The following NINJ2 variants were observed in gnomAD, a reference collection of about 807,000 sequenced individuals.
NINJ2 encodes the protein ninjurin 2, also known as ninjurin-2.
Under a neutral mutation model 11.7 loss-of-function variants are expected in NINJ2, and 12 were observed. The observed-to-expected ratio is 1.02, with a 90% CI of 0.66 to 1.66. NINJ2 has a LOEUF of 1.66. Among genes scored for constraint, NINJ2 ranks in the 40% most tolerant of loss-of-function variants. NINJ2 has a pLI of 0.00. For missense variants in NINJ2, 187 were observed against 181.8 expected (o/e 1.03, Z -0.16); for synonymous variants, 93 against 76.8 (o/e 1.21, Z -1.10).
chr12:661,167 C>T (rs1469236470), intron 1 of NINJ2, among the ~76,000 whole-genome samples: 4 of 152,190 alleles, frequency 2.6e-5, no homozygotes, highest in African/African-American at 9.7e-5. Flanking sequence ...CAACCTTGAA[C>T]TCCTGGCTTC....
chr12:644,464 A>C (rs952335151), intron 1 of NINJ2: 2 of 152,278 alleles, frequency 1.3e-5, no homozygotes, highest in East Asian at 3.8e-4. Context: ...ATGAACTTAC[A>C]TCAAAATAAA....
intron 1 of NINJ2, among the ~76,000 whole-genome samples, chr12:597,392 G>A (rs745795898): frequency 6.6e-6 from 1 of 152,316 alleles, no homozygotes; most frequent in East Asian, 1.9e-4. Context: ...ATTATTATAC[G>A]TTTTCTTACA....
chr12:572,850 ATT>A lies in NINJ2; in HGVS notation c.34-6674_34-6673del, dbSNP rs539715060. On this transcript the variant is annotated intron_variant, in intron 1 of 3. Transcript: ENST00000305108. Reference sequence around the variant, plus strand: ...AATCCTCTATGTGCCAGAGCCTGTAATTTTTTTTTTTTTTTTTTTTTTTGAGA... The same window carrying A: ...AATCCTCTATGTGCCAGAGCCTGTAATTTTTTTTTTTTTTTTTTTTTGAGA... 5.8e-3 allele frequency among the ~76,000 whole-genome samples: 555 copies of A among 96,070 alleles called. 3 individuals are homozygous for A. Among genetic ancestry groups the A allele is most frequent in the South Asian group, 0.01 (27 of 2,640 alleles). 63.0% of individuals were successfully genotyped at this position (96,070 alleles called of 152,430 possible). A position where few individuals can be genotyped will look rare whatever the true frequency, so the allele number is the denominator to read the frequency against.
At chr12:620,811 G>T (rs1047013305) in intron 1 of NINJ2, among the ~76,000 whole-genome samples, 1 of 152,242 alleles carries the variant, frequency 6.6e-6, no homozygotes, top group African/African-American at 2.4e-5. Flanking sequence ...TGTATTTTTA[G>T]TAGAGACGGG....
At chr12:572,630 G>A (rs757417034) in intron 1 of NINJ2, among the ~76,000 whole-genome samples, 2 of 152,186 alleles carry the variant, frequency 1.3e-5, no homozygotes, top group Non-Finnish European at 2.9e-5. Flanking sequence ...ACACTGGAAC[G>A]ATGGTGGTTC....
chr12:663,432 C>A lies in NINJ2; in HGVS notation c.-72G>T. The stretch of plus-strand genomic sequence containing the variant: ...ACTGCGTGGGCTCCTCCAGGCTCCG[C>A]CGTCTGAGTCTCTGCTGCTTTCTTC... On this transcript the variant is annotated 5_prime_UTR_variant, in exon 1 of 4. Coordinates refer to ENST00000305108, the MANE Select transcript of NINJ2 (RefSeq NM_016533.6). 1 of 1,614,034 alleles carries A rather than the reference C, an allele frequency of 6.2e-7. No individual in the cohort carries two copies. Among genetic ancestry groups the A allele is most frequent in the Non-Finnish European group, 8.5e-7 (1 of 1,179,930 alleles).
intron 1 of NINJ2, among the ~76,000 whole-genome samples, chr12:593,888 A>C (rs942783552): frequency 2.6e-5 from 4 of 152,252 alleles, no homozygotes; most frequent in Non-Finnish European, 4.4e-5. Context: ...TTATCAAATA[A>C]ATTACAAATA....
At chr12:605,435 C>T (rs1045440861) in intron 1 of NINJ2, among the ~76,000 whole-genome samples, 33 of 152,354 alleles carry the variant, frequency 2.2e-4, no homozygotes, top group African/African-American at 6.7e-4. Context: ...GCGCATGTGC[C>T]TGTAGTCCCA....
intron 1 of NINJ2, among the ~76,000 whole-genome samples, chr12:634,265 C>G (rs201632357): frequency 1.7e-5 from 1 of 59,480 alleles, no homozygotes; most frequent in African/African-American, 5.6e-5. Context: ...AGTTGCAGTT[C>G]TTTTTTTTTT....
chr12:657,988 C>CT (rs1164230214), intron 1 of NINJ2, among the ~76,000 whole-genome samples: 1,699 of 54,414 alleles, frequency 0.031, 390 homozygotes, highest in Non-Finnish European at 0.034. Context: ...CCTACACAGG[C>CT]TTTTTTTTTT....
At chr12:635,922 A>G (rs1490536919) in intron 1 of NINJ2, among the ~76,000 whole-genome samples, 1 of 151,978 alleles carries the variant, frequency 6.6e-6, no homozygotes, top group East Asian at 1.9e-4. Context: ...TAAAAACACA[A>G]AAAAATTAGC....
At chr12:572,811 G>A in intron 1 of NINJ2, among the ~76,000 whole-genome samples, 1 of 151,060 alleles carries the variant, frequency 6.6e-6, no homozygotes, top group East Asian at 1.9e-4. Flanking sequence ...ACACAGCACA[G>A]AGTTTTTAAT....
intron 1 of NINJ2, among the ~76,000 whole-genome samples, chr12:629,899 ATATAT>A (rs1565641702): frequency 1.0e-5 from 1 of 98,124 alleles, no homozygotes; most frequent in African/African-American, 3.8e-5. Flanking sequence ...AAAAAAAAAT[ATATAT>A]ATATATATAT....
rs1948311538 is a variant in NINJ2 at position 633,809 on chromosome 12, T to C, written c.33+29519A>G. Among the ~76,000 whole-genome samples the C allele has an allele frequency of 6.6e-6, 1 of 152,148 alleles. No homozygotes were observed. Among genetic ancestry groups the C allele is most frequent in the East Asian group, 1.9e-4 (1 of 5,190 alleles). On this transcript the variant is annotated intron_variant, in intron 1 of 3. Transcript: ENST00000305108. The surrounding 1 kb of genome is among the most constrained non-coding windows in gnomAD (Gnocchi z 4.3). Reference sequence around the variant, plus strand: ...TATCCTGGGTAACAGAGTGAGATTGTGTAAAAAAAACAAACCACTTTAGAG... The same window carrying C: ...TATCCTGGGTAACAGAGTGAGATTGCGTAAAAAAAACAAACCACTTTAGAG...
In NINJ2 at chr12:633,046, G is replaced by A. The variant is rs1242565633; in HGVS notation, c.33+30282C>T. On this transcript the variant is annotated intron_variant, in intron 1 of 3. Coordinates refer to ENST00000305108, the MANE Select transcript of NINJ2 (RefSeq NM_016533.6). This position sits in a 1 kb window ranked among gnomAD's most constrained non-coding sequence, Gnocchi z 4.3. ...TCAGTAGATTTCAATCAGAAAGGTC[G>A]TGAAATATACCTCAGCCTGGCATTG... Among the ~76,000 whole-genome samples the A allele has an allele frequency of 6.6e-6, 1 of 152,186 alleles. No homozygotes were observed. Among genetic ancestry groups the A allele is most frequent in the Non-Finnish European group, 1.5e-5 (1 of 68,034 alleles).
At chr12:594,480 C>T (rs1592084562) in intron 1 of NINJ2, among the ~76,000 whole-genome samples, 2 of 152,072 alleles carry the variant, frequency 1.3e-5, no homozygotes, top group East Asian at 3.9e-4. Context: ...AACTACAAAA[C>T]TCTGATGAAA....
chr12:646,997 G>A (rs1450160625), intron 1 of NINJ2, among the ~76,000 whole-genome samples: 1 of 152,188 alleles, frequency 6.6e-6, no homozygotes, highest in Non-Finnish European at 1.5e-5. Context: ...CAGAAGCTTG[G>A]AGGTGATGCT....
At chr12:661,552 C>A (rs1937958565) in intron 1 of NINJ2, among the ~76,000 whole-genome samples, 2 of 152,222 alleles carry the variant, frequency 1.3e-5, no homozygotes, top group African/African-American at 4.8e-5. Flanking sequence ...CCTAGCCAGT[C>A]ATTTCCTTCT....
At chr12:620,343 C>T (rs1350510676) in intron 1 of NINJ2, among the ~76,000 whole-genome samples, 1 of 148,454 alleles carries the variant, frequency 6.7e-6, no homozygotes, top group Non-Finnish European at 1.5e-5. Flanking sequence ...ACCAGCGATC[C>T]CCGCTTTGCG....
Sources: allele counts gnomAD v4.1 joint callset (sites outside exome capture counted in the v4.1 genomes callset), GRCh38; gene constraint gnomAD v4.1.1; non-coding constraint Gnocchi (gnomAD v3.1); transcripts MANE v1.5; gene names NCBI Gene and HGNC (gene_info 2026-07-23, HGNC 2026-07-21).